Variants in NCAPD3 observed in about 807,000 individuals in gnomAD.
NCAPD3 encodes condensin-2 complex subunit D3.
A neutral mutation model predicts 182.9 loss-of-function variants in NCAPD3; 105 were observed. The ratio of observed to expected loss-of-function variants is 0.57; its 90% confidence interval spans 0.49 to 0.68. The LOEUF (loss-of-function observed/expected upper bound fraction) is 0.68, where lower values mean the gene tolerates loss of function less well. Ranked by LOEUF, NCAPD3 falls within the 30% of genes least tolerant of loss-of-function variation. NCAPD3 has a pLI of 0.00. For missense variants in NCAPD3, 1,944 were observed against 1,837.0 expected, an observed-to-expected ratio of 1.06 and a Z score of -1.07; for synonymous variants, 815 against 679.9, an observed-to-expected ratio of 1.20 and a Z score of -3.09.
At position 134,202,800 on chromosome 11, in the gene NCAPD3, A is replaced by G. The variant is rs1393869011; in HGVS notation, c.1615+16T>C. On this transcript the variant is annotated intron_variant, in intron 13 of 34. Transcript: ENST00000534548. ...CAGCAGTATTACCTATCTGACAGTGATAAAATCTGACATACCTCCAGATCC... is the reference window on the plus strand; with the variant it reads ...CAGCAGTATTACCTATCTGACAGTGGTAAAATCTGACATACCTCCAGATCC... 6.4e-7 allele frequency: 1 copy of G among 1,567,088 alleles called. No individual in the cohort carries two copies. Among genetic ancestry groups the G allele is most frequent in the African/African-American group, 1.4e-5 (1 of 73,166 alleles).
chr11:134,154,828 C>T (rs917004639), intron 32 of NCAPD3, among the ~76,000 whole-genome samples: 2 of 152,242 alleles, frequency 1.3e-5, no homozygotes, highest in African/African-American at 4.8e-5. Context: ...CAAAGCTCAT[C>T]AGCGCACTGC....
chr11:134,154,487 C>T (rs1260496415), intron 32 of NCAPD3, among the ~76,000 whole-genome samples: 2 of 150,232 alleles, frequency 1.3e-5, no homozygotes, highest in Non-Finnish European at 1.5e-5. Flanking sequence ...ACCCCCCCCC[C>T]CACCGCCCCA....
chr11:134,224,657 C>G (rs1938389262), upstream of NCAPD3: 1 of 152,276 alleles, frequency 6.6e-6, no homozygotes, highest in Admixed American at 6.5e-5. Context: ...GCTCGCCCGC[C>G]CCCTCCCCCG....
intron 27 of NCAPD3, among the ~76,000 whole-genome samples, chr11:134,163,366 T>C (rs1051508417): frequency 3.3e-5 from 5 of 152,078 alleles, no homozygotes; most frequent in Non-Finnish European, 2.9e-5. Context: ...CTGCCTTTAG[T>C]CTGTTTCAGA....
chr11:134,164,462 TAAGA>T lies in NCAPD3; in HGVS notation c.3574-2575_3574-2572del, dbSNP rs574065386. ...ATCTGGCAAGAGTTAAAGCCATCAG[TAAGA>T]AAGAAGTCAGCACCAGAGCATGGCA... On this transcript the variant is annotated intron_variant, in intron 27 of 34. Coordinates refer to ENST00000534548, the MANE Select transcript of NCAPD3 (RefSeq NM_015261.3). 1.1e-4 allele frequency among the ~76,000 whole-genome samples: 17 copies of T among 152,346 alleles called. No individual in the cohort carries two copies. In the East Asian group the frequency reaches 2.9e-3, roughly 26 times the overall value.
chr11:134,176,494 G>T, intron 23 of NCAPD3, 108 bp from the exon 24 acceptor site: 1 of 843,596 alleles, frequency 1.2e-6, no homozygotes, highest in Non-Finnish European at 2.0e-6. Flanking sequence ...CACACTGGCT[G>T]AGTGCACAGG....
chr11:134,203,118 T>C (rs1944783431), intron 12 of NCAPD3, 24 bp downstream of exon 12: 2 of 1,503,162 alleles, frequency 1.3e-6, no homozygotes, highest in Non-Finnish European at 1.8e-6. Flanking sequence ...TCATTCAATA[T>C]TTGAAAATGT....
In NCAPD3 at chr11:134,210,349, TTC is replaced by T; in HGVS notation, c.486_487del (p.Lys163ArgfsTer4). ...AGCCTGAGAGCTCTTAGGCTGTTCT[TTC>T]TTTCTTTTCCGATTCAAGTTAGATT... On this transcript the variant is annotated frameshift_variant, in exon 4 of 35. Transcript: ENST00000534548. LOFTEE classifies it high-confidence loss of function. 6.2e-7 allele frequency: 1 copy of T among 1,614,220 alleles called. No individual in the cohort carries two copies. The highest frequency in any genetic ancestry group is 8.5e-7 in the Non-Finnish European group (1 of 1,180,028).
chr11:134,218,892 C>T (rs538003109), intron 2 of NCAPD3, among the ~76,000 whole-genome samples: 1 of 152,298 alleles, frequency 6.6e-6, no homozygotes, highest in South Asian at 2.1e-4. Context: ...CTGTCAAGAA[C>T]GTCTGCTTAA....
In NCAPD3 at chr11:134,177,533, T is replaced by C. The variant is rs1944199656; in HGVS notation, c.2783-76A>G. The C allele has an allele frequency of 4.6e-6, 6 of 1,296,804 alleles. No individual in the cohort carries two copies. The Admixed American group carries it at 1.1e-4, about 24-fold the overall frequency. 80.3% of individuals were successfully genotyped at this position (1,296,804 alleles called of 1,614,324 possible). On this transcript the variant is annotated intron_variant, in intron 22 of 34. Coordinates refer to ENST00000534548, the MANE Select transcript of NCAPD3 (RefSeq NM_015261.3). ...CATTCCTAAATTTTCTCCAGATACA[T>C]CTTGCTAATGGCTTCTATTTCATCA...
chr11:134,167,600 TC>T (rs1943882952), intron 27 of NCAPD3, among the ~76,000 whole-genome samples: 1 of 101,434 alleles, frequency 9.9e-6, no homozygotes. Flanking sequence ...AGGGGCACAC[TC>T]ACTAGTGAGA....
intron 13 of NCAPD3, among the ~76,000 whole-genome samples, chr11:134,201,026 ATTTT>A (rs566027829): frequency 2.9e-5 from 4 of 140,172 alleles, no homozygotes; most frequent in East Asian, 2.0e-4. Context: ...AGAATAGGCA[ATTTT>A]TTTTTTTTTT....
chr11:134,156,550 G>T (rs549560201), intron 32 of NCAPD3, among the ~76,000 whole-genome samples: 1 of 152,208 alleles, frequency 6.6e-6, no homozygotes, highest in Admixed American at 6.5e-5. Flanking sequence ...AAAAAACATG[G>T]AGGGGAATGA....
chr11:134,165,497 G>A (rs1443919268), intron 27 of NCAPD3, among the ~76,000 whole-genome samples: 6 of 146,502 alleles, frequency 4.1e-5, no homozygotes, highest in African/African-American at 1.3e-4. Context: ...ACACTTGTGA[G>A]ATGAGCTTAC....
intron 19 of NCAPD3, chr11:134,182,978 T>C: frequency 2.6e-6 from 1 of 388,904 alleles, no homozygotes; most frequent in South Asian, 1.9e-5. Flanking sequence ...AATGCAGTAG[T>C]AAGCCCCACC....
intron 19 of NCAPD3, 67 bp from the exon 20 acceptor site, chr11:134,181,251 T>C (rs180970950): frequency 2.2e-5 from 23 of 1,023,598 alleles, no homozygotes; most frequent in African/African-American, 4.8e-5. Context: ...TGAAACACCA[T>C]GTTCTCAGAA....
intron 3 of NCAPD3, among the ~76,000 whole-genome samples, chr11:134,215,639 AAAG>A (rs1937987223): frequency 6.6e-6 from 1 of 152,190 alleles, no homozygotes. Context: ...GAAACAAATT[AAAG>A]AAGATCTACA....
chr11:134,168,851 A>G (rs1158489623), intron 25 of NCAPD3, 66 bp downstream of exon 25: 1 of 1,554,830 alleles, frequency 6.4e-7, no homozygotes, highest in Non-Finnish European at 8.7e-7. Flanking sequence ...CAAAGAGCCT[A>G]ACCTCCCCTG....
At chr11:134,153,434 T>A in intron 32 of NCAPD3, 71 bp from the exon 33 acceptor site, 1 of 1,490,392 alleles carries the variant, frequency 6.7e-7, no homozygotes, top group Non-Finnish European at 9.4e-7. Context: ...TAGTTGTCCG[T>A]GGGACGTAGG....
Sources: allele counts gnomAD v4.1 joint callset (sites outside exome capture counted in the v4.1 genomes callset), GRCh38; gene constraint gnomAD v4.1.1; transcripts MANE v1.5; gene names NCBI Gene and HGNC (gene_info 2026-07-23, HGNC 2026-07-21).